Variants in KAZN observed in about 807,000 individuals in gnomAD.
The protein encoded by KAZN is kazrin.
In KAZN, 40 loss-of-function variants were observed where a neutral mutation model predicts 87.4. The observed-to-expected ratio is 0.46, with a 90% CI of 0.36 to 0.60. The LOEUF is 0.60. Among genes scored for constraint, KAZN ranks in the 20% least tolerant of loss-of-function variants. The pLI is 0.00. For synonymous variants in KAZN, 466 were observed against 458.3 expected (o/e 1.02, Z -0.22); for missense variants, 898 against 1,073.9 (o/e 0.84, Z 2.29).
intron 1 of KAZN, among the ~76,000 whole-genome samples, chr1:14,609,939 C>G (rs1288316070): frequency 6.6e-6 from 1 of 152,244 alleles, no homozygotes; most frequent in Non-Finnish European, 1.5e-5. Context: ...AGAACTGCCC[C>G]ATAGCTCATG....
chr1:14,137,151 G>A (rs1357729109), intron 1 of KAZN, among the ~76,000 whole-genome samples: 4 of 152,170 alleles, frequency 2.6e-5, no homozygotes, highest in Non-Finnish European at 4.4e-5. Flanking sequence ...AACCATCCCA[G>A]CCAGAGCTCC....
chr1:14,152,644 C>T (rs1442026487), intron 1 of KAZN, among the ~76,000 whole-genome samples: 1 of 152,202 alleles, frequency 6.6e-6, no homozygotes, highest in Non-Finnish European at 1.5e-5. Context: ...ATGGCTCCAA[C>T]AAACACAGTA....
intron 1 of KAZN, among the ~76,000 whole-genome samples, chr1:14,110,257 G>T (rs1644472227): frequency 6.6e-6 from 1 of 152,060 alleles, no homozygotes; most frequent in Non-Finnish European, 1.5e-5. Flanking sequence ...ATGAGGGCAT[G>T]GGTTCCAAGG....
At chr1:15,073,069 G>A (rs1573252236) in intron 8 of KAZN, among the ~76,000 whole-genome samples, 1 of 152,182 alleles carries the variant, frequency 6.6e-6, no homozygotes, top group Non-Finnish European at 1.5e-5. Flanking sequence ...GAATCAGCAG[G>A]CAGGGCTCCA....
chr1:14,641,525 C>T (rs560219147), intron 1 of KAZN, among the ~76,000 whole-genome samples: 25 of 152,256 alleles, frequency 1.6e-4, no homozygotes, highest in Non-Finnish European at 3.2e-4. Context: ...ACCATGCCTG[C>T]GGTGTGGCCT....
intron 1 of KAZN, among the ~76,000 whole-genome samples, chr1:13,905,565 G>A (rs955788036): frequency 1.3e-5 from 2 of 152,152 alleles, no homozygotes; most frequent in African/African-American, 4.8e-5. Context: ...CTTCCCTGAT[G>A]TCGAGCCCTC....
intron 1 of KAZN, among the ~76,000 whole-genome samples, chr1:13,902,491 G>A (rs1639285625): frequency 1.3e-5 from 2 of 152,216 alleles, no homozygotes; most frequent in Admixed American, 1.3e-4. Flanking sequence ...AACTTTAAGA[G>A]TTGATTTTTA....
chr1:15,083,537 G>A (rs565891057), intron 8 of KAZN, among the ~76,000 whole-genome samples: 2 of 152,330 alleles, frequency 1.3e-5, no homozygotes, highest in Admixed American at 1.3e-4. Flanking sequence ...TGCAGGCACT[G>A]TACGGTTTGG....
chr1:15,055,279 C>T (rs1674828560), intron 4 of KAZN, among the ~76,000 whole-genome samples: 1 of 152,122 alleles, frequency 6.6e-6, no homozygotes, highest in African/African-American at 2.4e-5. Context: ...GAGTTCAAGA[C>T]CAGCCTGGCC....
intron 1 of KAZN, among the ~76,000 whole-genome samples, chr1:13,907,597 A>G (rs1400945354): frequency 7.2e-5 from 11 of 152,176 alleles, no homozygotes; most frequent in Admixed American, 7.2e-4. Context: ...TCTCTTATCC[A>G]GGAGGAAATT....
intron 2 of KAZN, among the ~76,000 whole-genome samples, chr1:14,438,778 T>C (rs111541156): frequency 3.0e-4 from 46 of 152,102 alleles, no homozygotes; most frequent in Middle Eastern, 3.4e-3. Context: ...ACCATAGGAG[T>C]CAGGGAGGGG....
intron 1 of KAZN, among the ~76,000 whole-genome samples, chr1:14,712,972 T>G (rs149172825): frequency 6.6e-6 from 1 of 152,286 alleles, no homozygotes; most frequent in East Asian, 1.9e-4. Flanking sequence ...TATCAGTTGT[T>G]TTTTAATGCC....
At chr1:14,383,073 T>C (rs1661517759) in intron 2 of KAZN, among the ~76,000 whole-genome samples, 2 of 151,678 alleles carry the variant, frequency 1.3e-5, no homozygotes, top group African/African-American at 2.4e-5. Flanking sequence ...TGGCCAGTGA[T>C]GGTGAGCATT....
chr1:14,768,626 T>C (rs1348241928), intron 1 of KAZN, among the ~76,000 whole-genome samples: 2 of 152,214 alleles, frequency 1.3e-5, no homozygotes, highest in Admixed American at 1.3e-4. Flanking sequence ...GGGCACAGTT[T>C]GAGCATTTGC....
chr1:14,652,714 C>G (rs80252443), intron 1 of KAZN, among the ~76,000 whole-genome samples: 1 of 133,456 alleles, frequency 7.5e-6, no homozygotes. Flanking sequence ...TGCACCCATT[C>G]ATTCATCCAC....
rs557960366 is a variant in KAZN at position 14,876,454 on chromosome 1, T to C, written c.227-84230T>C. Among the ~76,000 whole-genome samples the C allele has an allele frequency of 4.6e-5, 7 of 152,242 alleles. 1 individual carries two copies. The highest frequency in any genetic ancestry group is 3.9e-4 in the East Asian group (2 of 5,174). ...ATGCTTGGGAGGACACACCTTGAAATTGCAGGTAGGAACCTGGGTTTAGGA... is the reference window on the plus strand; with the variant it reads ...ATGCTTGGGAGGACACACCTTGAAACTGCAGGTAGGAACCTGGGTTTAGGA... On this transcript the variant is annotated intron_variant, in intron 1 of 14. Transcript: ENST00000376030.
chr1:14,567,330 T>C (rs1674602807), intron 2 of KAZN, among the ~76,000 whole-genome samples: 1 of 152,172 alleles, frequency 6.6e-6, no homozygotes, highest in Non-Finnish European at 1.5e-5. Flanking sequence ...ATTGTTGTGG[T>C]TCATGGCACC....
At chr1:14,470,545 TTAGA>T (rs1668399875) in intron 2 of KAZN, among the ~76,000 whole-genome samples, 1 of 152,242 alleles carries the variant, frequency 6.6e-6, no homozygotes, top group African/African-American at 2.4e-5. Flanking sequence ...GTTTTTTCTC[TTAGA>T]TAGAAGAGCC....
At chr1:13,980,540 A>C (rs186131583) in intron 1 of KAZN, among the ~76,000 whole-genome samples, 25 of 152,360 alleles carry the variant, frequency 1.6e-4, no homozygotes, top group Middle Eastern at 3.4e-3. Flanking sequence ...AAATTTCATA[A>C]GAGTAAAAGG....
Sources: allele counts gnomAD v4.1 joint callset (sites outside exome capture counted in the v4.1 genomes callset), GRCh38; gene constraint gnomAD v4.1.1; transcripts MANE v1.5; gene names NCBI Gene and HGNC (gene_info 2026-07-23, HGNC 2026-07-21).